Variants in HRH1 observed in about 807,000 individuals in gnomAD.
The protein encoded by HRH1 is histamine H1 receptor.
Under a neutral mutation model 10.3 loss-of-function variants are expected in HRH1, and 6 were observed. That is an observed-to-expected ratio of 0.58 (90% CI 0.32 to 1.15). HRH1 has a LOEUF of 1.15. HRH1 is among the 50% of genes most tolerant of loss of function. The pLI is 0.05. For missense variants in HRH1, 514 were observed against 615.3 expected (o/e 0.84, Z 1.74); for synonymous variants, 242 against 236.7 (o/e 1.02, Z -0.21).
chr3:11,245,712 T>C (rs1220160664), intron 1 of HRH1, among the ~76,000 whole-genome samples: 1 of 152,170 alleles, frequency 6.6e-6, no homozygotes, highest in Non-Finnish European at 1.5e-5. Context: ...AATTCAAAAA[T>C]GATGGTTTGC....
chr3:11,158,133 C>G (rs1387872248), intron 1 of HRH1, among the ~76,000 whole-genome samples: 2 of 152,250 alleles, frequency 1.3e-5, no homozygotes, highest in African/African-American at 4.8e-5. Context: ...ACCCACCTTA[C>G]AGGTTGCTGT....
chr3:11,259,246 CG>C lies in HRH1; in HGVS notation c.211del (p.Val71TrpfsTer4), dbSNP rs1427139333. ...GGGAACCTGTACATCGTCAGCCTCT[CG>C]GTGGCGGACTTGATCGTGGGTGCCG... ...TVGNLYIVSL[S>X]VADLIVGAVV... is the part of the protein sequence containing the mutation. On this transcript the variant is annotated frameshift_variant, in exon 2 of 2. Transcript: ENST00000431010. LOFTEE classifies it low-confidence loss of function (END_TRUNC). This position sits in a 1 kb window ranked among gnomAD's most constrained non-coding sequence, Gnocchi z 4.6. 1 of 1,613,352 alleles carries C rather than the reference CG, an allele frequency of 6.2e-7. No homozygotes were observed.
intron 1 of HRH1, among the ~76,000 whole-genome samples, chr3:11,230,595 A>G (rs993209710): frequency 6.6e-6 from 1 of 152,188 alleles, no homozygotes; most frequent in Non-Finnish European, 1.5e-5. Flanking sequence ...CTTGTTAGAG[A>G]TGCAGAATCT....
chr3:11,161,462 G>A (rs938009466), intron 1 of HRH1, among the ~76,000 whole-genome samples: 1 of 152,174 alleles, frequency 6.6e-6, no homozygotes, highest in Non-Finnish European at 1.5e-5. Flanking sequence ...TCCACCACCA[G>A]CCCACACCTG....
intron 1 of HRH1, among the ~76,000 whole-genome samples, chr3:11,182,466 C>T (rs1346138092): frequency 6.6e-6 from 1 of 152,140 alleles, no homozygotes; most frequent in Admixed American, 6.5e-5. Context: ...AACTTCAGGG[C>T]CATATAAGCC....
rs114253731 is a variant in HRH1 at position 11,161,201 on chromosome 3, G to A, written c.-36+6647G>A. On this transcript the variant is annotated intron_variant, in intron 1 of 1. Coordinates refer to ENST00000431010, the MANE Select transcript of HRH1 (RefSeq NM_001098212.2). Reference sequence around the variant, plus strand: ...GGGCACAGAGCACAGGAGGAGGACCGGAGATCTGTGCCATGCTGGTTTGAT... The same window carrying A: ...GGGCACAGAGCACAGGAGGAGGACCAGAGATCTGTGCCATGCTGGTTTGAT... Among the ~76,000 whole-genome samples, 395 of 152,330 alleles carry A rather than the reference G, an allele frequency of 2.6e-3. 2 individuals are homozygous for A. The highest frequency in any genetic ancestry group is 8.9e-3 in the African/African-American group (369 of 41,566).
At chr3:11,213,807 C>G (rs543862315) in intron 1 of HRH1, among the ~76,000 whole-genome samples, 1 of 152,226 alleles carries the variant, frequency 6.6e-6, no homozygotes, top group Admixed American at 6.5e-5. Context: ...TGGTGACTGG[C>G]ACACTCAAAG....
At chr3:11,204,597 T>C (rs1283777869) in intron 1 of HRH1, among the ~76,000 whole-genome samples, 1 of 152,076 alleles carries the variant, frequency 6.6e-6, no homozygotes. Flanking sequence ...TGCACAACCT[T>C]GTAGGCCTCA....
chr3:11,211,909 C>G (rs1321418969), intron 1 of HRH1, among the ~76,000 whole-genome samples: 1 of 152,186 alleles, frequency 6.6e-6, no homozygotes, highest in Non-Finnish European at 1.5e-5. Flanking sequence ...TGGAGGTTCT[C>G]TATTTGAAGT....
chr3:11,255,280 G>A (rs1173518601), intron 1 of HRH1, among the ~76,000 whole-genome samples: 2 of 152,030 alleles, frequency 1.3e-5, no homozygotes, highest in South Asian at 4.1e-4. Context: ...AAAAAATAAC[G>A]TAAAATAAAA....
At chr3:11,212,554 C>T (rs1000929050) in intron 1 of HRH1, among the ~76,000 whole-genome samples, 2 of 152,146 alleles carry the variant, frequency 1.3e-5, no homozygotes, top group Admixed American at 6.6e-5. Context: ...CAGAGACTCC[C>T]GGCAACCAAG....
intron 1 of HRH1, among the ~76,000 whole-genome samples, chr3:11,247,389 G>A (rs1436794302): frequency 1.3e-5 from 2 of 152,208 alleles, no homozygotes; most frequent in African/African-American, 4.8e-5. Context: ...ACTGAGCAGG[G>A]TAGGGCAGGG....
At chr3:11,177,961 C>A (rs535590028) in intron 1 of HRH1, among the ~76,000 whole-genome samples, 58 of 152,270 alleles carry the variant, frequency 3.8e-4, no homozygotes, top group Middle Eastern at 3.4e-3. Context: ...CCAAGAGTTC[C>A]ATCGGTGGGG....
At chr3:11,233,198 C>A (rs923763774) in intron 1 of HRH1, among the ~76,000 whole-genome samples, 1 of 152,140 alleles carries the variant, frequency 6.6e-6, no homozygotes, top group Non-Finnish European at 1.5e-5. Context: ...TCATTGCCAC[C>A]CTCTTTCTCA....
chr3:11,242,112 G>A (rs1939360163), intron 1 of HRH1, among the ~76,000 whole-genome samples: 1 of 152,126 alleles, frequency 6.6e-6, no homozygotes, highest in African/African-American at 2.4e-5. Flanking sequence ...CACCTTCTAG[G>A]CTGTAGAAGG....
At chr3:11,202,309 G>C (rs1410413306) in intron 1 of HRH1, among the ~76,000 whole-genome samples, 1 of 151,820 alleles carries the variant, frequency 6.6e-6, no homozygotes, top group Admixed American at 6.6e-5. Context: ...GGAGGCTGAG[G>C]CAGGAGAATC....
intron 1 of HRH1, among the ~76,000 whole-genome samples, chr3:11,242,323 T>C (rs935975520): frequency 2.1e-4 from 32 of 151,684 alleles, no homozygotes; most frequent in African/African-American, 7.7e-4. Context: ...CTACTAAAAA[T>C]TCAAAAAATT....
intron 1 of HRH1, among the ~76,000 whole-genome samples, chr3:11,215,450 A>AT (rs1003978257): frequency 1.6e-4 from 25 of 151,646 alleles, no homozygotes; most frequent in East Asian, 5.8e-4. Flanking sequence ...TTTGTTTTTG[A>AT]TTTTTTTTGA....
chr3:11,247,941 G>A (rs1166495124), intron 1 of HRH1, among the ~76,000 whole-genome samples: 1 of 152,144 alleles, frequency 6.6e-6, no homozygotes, highest in Admixed American at 6.5e-5. Flanking sequence ...TAAGGGAGGT[G>A]AATATTGAGG....
Sources: gnomAD v4.1 joint callset for allele counts (sites outside exome capture counted in the v4.1 genomes callset) on GRCh38, gnomAD v4.1.1 for gene constraint, Gnocchi (gnomAD v3.1) non-coding constraint, MANE v1.5 for transcripts, NCBI Gene and HGNC (gene_info 2026-07-23, HGNC 2026-07-21) for gene names.